The following CTDSPL2 variants were observed in gnomAD, a reference collection of about 807,000 sequenced individuals.
CTDSPL2 encodes the protein CTD small phosphatase like 2.
In CTDSPL2, 5 loss-of-function variants were observed where a neutral mutation model predicts 60.0. That is an observed-to-expected ratio of 0.08 (90% CI 0.04 to 0.18). The LOEUF is 0.18. CTDSPL2 is among the 10% of genes least tolerant of loss of function. CTDSPL2 has a pLI of 1.00. For synonymous variants in CTDSPL2, 186 were observed against 189.3 expected (o/e 0.98, Z 0.14); for missense variants, 370 against 548.8 (o/e 0.67, Z 3.26).
At chr15:44,445,758 C>T (rs777956577) in intron 1 of CTDSPL2, among the ~76,000 whole-genome samples, 1 of 151,846 alleles carries the variant, frequency 6.6e-6, no homozygotes, top group Admixed American at 6.6e-5. Context: ...CTGCCTCAGC[C>T]TCCCGAGTAG....
At chr15:44,523,601 GTCAT>G (rs757170800) in intron 12 of CTDSPL2, among the ~76,000 whole-genome samples, 1 of 152,114 alleles carries the variant, frequency 6.6e-6, no homozygotes, top group South Asian at 2.1e-4. Flanking sequence ...GCAAGACCCT[GTCAT>G]TCATTCATTC....
intron 2 of CTDSPL2, among the ~76,000 whole-genome samples, chr15:44,478,326 C>T (rs1336830541): frequency 1.3e-5 from 2 of 151,726 alleles, no homozygotes; most frequent in Non-Finnish European, 2.9e-5. Context: ...GTGGCAGGCA[C>T]CTGTAATCCC....
chr15:44,482,086 G>A (rs537796947), intron 2 of CTDSPL2, among the ~76,000 whole-genome samples: 1 of 152,236 alleles, frequency 6.6e-6, no homozygotes, highest in Admixed American at 6.5e-5. Flanking sequence ...CCCTGAGGTA[G>A]CATTCCAGCC....
At chr15:44,441,035 A>G (rs1470818735) in intron 1 of CTDSPL2, among the ~76,000 whole-genome samples, 2 of 152,192 alleles carry the variant, frequency 1.3e-5, no homozygotes, top group African/African-American at 2.4e-5. Flanking sequence ...CCTTGGCCTC[A>G]TGAGTGGGAC....
rs61461067 is a variant in CTDSPL2 at position 44,523,388 on chromosome 15, CTACATACATACATACA to C, written c.1336-678_1336-663del. Among the ~76,000 whole-genome samples, 677 of 145,106 alleles carry C rather than the reference CTACATACATACATACA, an allele frequency of 4.7e-3. 2 individuals carry two copies. The highest frequency in any genetic ancestry group is 9.2e-3 in the African/African-American group (354 of 38,428). On this transcript the variant is annotated intron_variant, in intron 12 of 12. Coordinates refer to ENST00000260327, the MANE Select transcript of CTDSPL2 (RefSeq NM_016396.3). ...AGGGCAACATAGTGAGACCTCATCT[CTACATACATACATACA>C]TACATACATACATACATACATACAT...
intron 1 of CTDSPL2, among the ~76,000 whole-genome samples, chr15:44,433,188 A>G (rs2079896788): frequency 1.3e-5 from 2 of 151,432 alleles, no homozygotes; most frequent in South Asian, 4.2e-4. Context: ...GGTGACTCAC[A>G]TCTATAGTCC....
In CTDSPL2 at chr15:44,477,144, A is replaced by G. The variant is rs1461838731; in HGVS notation, c.187-7080A>G. Among the ~76,000 whole-genome samples, 16 of 152,300 alleles carry G rather than the reference A, an allele frequency of 1.1e-4. No homozygotes were observed. The South Asian group carries it at 2.9e-3, about 28-fold the overall frequency. ...CTTCAGAGGCTGAGGTGGGAGGATC[A>G]CTTGATCCCAGGAGACAAAGGCTGC... is the stretch of plus-strand genomic sequence containing the variant. On this transcript the variant is annotated intron_variant, in intron 2 of 12. Transcript: ENST00000260327.
chr15:44,497,918 A>G (rs1361327795), intron 7 of CTDSPL2, among the ~76,000 whole-genome samples: 1 of 152,068 alleles, frequency 6.6e-6, no homozygotes, highest in Non-Finnish European at 1.5e-5. Flanking sequence ...AATCACTAGA[A>G]CCCAGGAGAC....
intron 1 of CTDSPL2, among the ~76,000 whole-genome samples, chr15:44,457,599 T>TGG (rs201403544): frequency 3.6e-5 from 4 of 112,462 alleles, no homozygotes; most frequent in East Asian, 2.7e-4. Flanking sequence ...CTTTTTTGGT[T>TGG]GGGGGGGGTG....
chr15:44,467,371 A>T (rs1385698840), intron 2 of CTDSPL2, among the ~76,000 whole-genome samples: 1 of 152,196 alleles, frequency 6.6e-6, no homozygotes, highest in African/African-American at 2.4e-5. Flanking sequence ...AGTGGTGAGA[A>T]CAACACCCTT....
chr15:44,504,938 A>G lies in CTDSPL2; in HGVS notation c.969+5125A>G, dbSNP rs796371709. The stretch of plus-strand genomic sequence containing the variant: ...AAATACTACTTTAGAATAATTTTAA[A>G]GTCACTTTCCCATCCTTATTAGTAT... On this transcript the variant is annotated intron_variant, in intron 8 of 12. Transcript: ENST00000260327. 6.6e-5 allele frequency among the ~76,000 whole-genome samples: 10 copies of G among 152,216 alleles called. No individual in the cohort carries two copies. In the South Asian group the frequency reaches 1.2e-3, roughly 19 times the overall value.
At chr15:44,476,549 C>T (rs567718221) in intron 2 of CTDSPL2, among the ~76,000 whole-genome samples, 35 of 152,222 alleles carry the variant, frequency 2.3e-4, no homozygotes, top group African/African-American at 8.4e-4. Context: ...TTTAGGTCAG[C>T]ATGGACCACC....
chr15:44,442,596 G>A (rs1275177368), intron 1 of CTDSPL2, among the ~76,000 whole-genome samples: 1 of 152,030 alleles, frequency 6.6e-6, no homozygotes, highest in African/African-American at 2.4e-5. Flanking sequence ...GGCGGGGTAG[G>A]AGGCAAATTT....
At chr15:44,448,832 C>T (rs1307159824) in intron 1 of CTDSPL2, 1 of 356,956 alleles carries the variant, frequency 2.8e-6, no homozygotes, top group Admixed American at 4.2e-5. Context: ...TTTGGTAAGG[C>T]GGTCTCATCC....
chr15:44,445,676 C>T (rs1288534447), intron 1 of CTDSPL2, among the ~76,000 whole-genome samples: 5 of 150,050 alleles, frequency 3.3e-5, no homozygotes, highest in Admixed American at 1.3e-4. Context: ...CTCGCACTGT[C>T]GCCTGGGCTG....
intron 4 of CTDSPL2, among the ~76,000 whole-genome samples, chr15:44,487,219 C>G (rs1015493947): frequency 6.6e-6 from 1 of 152,034 alleles, no homozygotes; most frequent in African/African-American, 2.4e-5. Flanking sequence ...TTCGGGAAGC[C>G]AAGACAGGAG....
rs1318152578 is a variant in CTDSPL2 at position 44,524,519 on chromosome 15, A to C, written c.*345A>C. On this transcript the variant is annotated 3_prime_UTR_variant, in exon 13 of 13. Transcript: ENST00000260327. Reference sequence around the variant, plus strand: ...ATTTTATGATAATAACAGAGATGAAAATGGACTTTTATTTTCTCTCTGTTT... The same window carrying C: ...ATTTTATGATAATAACAGAGATGAACATGGACTTTTATTTTCTCTCTGTTT... 5.2e-6 allele frequency: 1 copy of C among 193,558 alleles called. No homozygotes were observed. The highest frequency in any genetic ancestry group is 2.3e-5 in the African/African-American group (1 of 42,820). The allele number at this position is 193,558 out of a possible 1,614,324, so 12.0% of individuals were successfully genotyped here. A position where few individuals can be genotyped will look rare whatever the true frequency, so the allele number is the denominator to read the frequency against.
At chr15:44,438,128 G>A (rs1170423239) in intron 1 of CTDSPL2, among the ~76,000 whole-genome samples, 1 of 152,200 alleles carries the variant, frequency 6.6e-6, no homozygotes, top group Non-Finnish European at 1.5e-5. Context: ...GCCAGGCGTG[G>A]TGGTGGGCGC....
intron 1 of CTDSPL2, among the ~76,000 whole-genome samples, chr15:44,429,699 C>G (rs1595682134): frequency 6.6e-6 from 1 of 152,120 alleles, no homozygotes; most frequent in East Asian, 1.9e-4. Flanking sequence ...AACTCCATCT[C>G]TACTAAAAAT....
Sources: allele counts gnomAD v4.1 joint callset (sites outside exome capture counted in the v4.1 genomes callset), GRCh38; gene constraint gnomAD v4.1.1; transcripts MANE v1.5; gene names NCBI Gene and HGNC (gene_info 2026-07-23, HGNC 2026-07-21).